Variants in JMJD1C observed in about 807,000 individuals in gnomAD.
JMJD1C encodes the protein jumonji domain containing 1C, also known as jumonji domain-containing protein 1C.
Under a neutral mutation model 245.3 loss-of-function variants are expected in JMJD1C, and 31 were observed. The ratio of observed to expected loss-of-function variants is 0.13; its 90% CI spans 0.09 to 0.17. The LOEUF (loss-of-function observed/expected upper bound fraction) is 0.17, where lower values mean the gene tolerates loss of function less well. Ranked by LOEUF, JMJD1C falls within the 10% of genes least tolerant of loss-of-function variation. JMJD1C has a pLI of 1.00. For missense variants in JMJD1C, 2,691 were observed against 3,000.2 expected (o/e 0.90, Z 2.41); for synonymous variants, 1,057 against 1,017.4 (o/e 1.04, Z -0.74).
intron 24 of JMJD1C, among the ~76,000 whole-genome samples, chr10:63,169,168 T>C (rs376769977): frequency 2.0e-5 from 3 of 152,178 alleles, no homozygotes; most frequent in African/African-American, 4.8e-5. Flanking sequence ...ACCCCTTCAA[T>C]CACCGGTGAC....
chr10:63,381,608 AG>A (rs1947225097), intron 1 of JMJD1C, among the ~76,000 whole-genome samples: 1 of 152,170 alleles, frequency 6.6e-6, no homozygotes, highest in African/African-American at 2.4e-5. Context: ...GGATGGGTGA[AG>A]GGGGGAGAAG....
chr10:63,474,107 TA>T (rs1251691644), intron 1 of JMJD1C, among the ~76,000 whole-genome samples: 7 of 109,468 alleles, frequency 6.4e-5, no homozygotes, highest in Non-Finnish European at 1.0e-4. Flanking sequence ...ATAATAATAA[TA>T]AATAAATAAA....
At chr10:63,219,753 T>A in intron 4 of JMJD1C, 125 bp downstream of exon 4, 1 of 559,752 alleles carries the variant, frequency 1.8e-6, no homozygotes, top group Non-Finnish European at 3.3e-6. Flanking sequence ...TTTTCCTGGA[T>A]GTATATAACT....
chr10:63,197,549 TC>T lies in JMJD1C; in HGVS notation c.5505del (p.Trp1835Ter). 6.5e-7 allele frequency: 1 copy of T among 1,546,998 alleles called. No individual in the cohort carries two copies. The highest frequency in any genetic ancestry group is 8.7e-7 in the Non-Finnish European group (1 of 1,151,080). On this transcript the variant is annotated frameshift_variant, in exon 13 of 26. Coordinates refer to ENST00000399262, the MANE Select transcript of JMJD1C (RefSeq NM_032776.3). LOFTEE classifies it high-confidence loss of function. ...TCCCGGACTCCTCTCACTGCTCTTT[TC>T]CAGGCAATTTTGGCTGAAATACAGA... ...SWVKKDAKIAWKRAVRGVREM... is the reference protein window; with the variant it reads ...SWVKKDAKIAXKRAVRGVREM...
At chr10:63,477,135 T>A (rs907487376) in intron 1 of JMJD1C, among the ~76,000 whole-genome samples, 1 of 152,104 alleles carries the variant, frequency 6.6e-6, no homozygotes, top group African/African-American at 2.4e-5. Flanking sequence ...AATATTCTAA[T>A]AAGACTCAAT....
chr10:63,193,258 T>G (rs966971706), intron 15 of JMJD1C, 87 bp downstream of exon 15: 4 of 1,478,724 alleles, frequency 2.7e-6, no homozygotes, highest in Non-Finnish European at 3.7e-6. Flanking sequence ...AATTCATACA[T>G]AAGTCCTAAA....
intron 2 of JMJD1C, among the ~76,000 whole-genome samples, chr10:63,331,112 A>C (rs1343566797): frequency 6.6e-6 from 1 of 152,206 alleles, no homozygotes; most frequent in Non-Finnish European, 1.5e-5. Flanking sequence ...TTCCAATGCT[A>C]GTATCTCCAA....
intron 2 of JMJD1C, among the ~76,000 whole-genome samples, chr10:63,364,725 G>C (rs1945698272): frequency 1.3e-5 from 2 of 152,262 alleles, no homozygotes; most frequent in South Asian, 4.1e-4. Flanking sequence ...GGACTCAAGT[G>C]ATTTGCCTGC....
intron 3 of JMJD1C, chr10:63,222,213 G>A: frequency 3.9e-6 from 3 of 764,940 alleles, no homozygotes; most frequent in Non-Finnish European, 4.9e-6. Context: ...ATGTTCAGAG[G>A]AATTTATAGG....
At chr10:63,388,324 T>A (rs1589646413) in intron 1 of JMJD1C, among the ~76,000 whole-genome samples, 1 of 148,514 alleles carries the variant, frequency 6.7e-6, no homozygotes. Context: ...GACAATGGGA[T>A]AATAGGTTCA....
At chr10:63,438,190 T>G (rs1951165772) in intron 1 of JMJD1C, among the ~76,000 whole-genome samples, 1 of 151,824 alleles carries the variant, frequency 6.6e-6, no homozygotes, top group Non-Finnish European at 1.5e-5. Flanking sequence ...TCACCACCAC[T>G]CTCCAAAATG....
intron 1 of JMJD1C, among the ~76,000 whole-genome samples, chr10:63,433,640 C>T (rs1384151439): frequency 1.4e-5 from 2 of 142,770 alleles, no homozygotes. Flanking sequence ...GGCTGGAGTG[C>T]AAGGGTGAGA....
intron 1 of JMJD1C, among the ~76,000 whole-genome samples, chr10:63,420,662 A>G (rs1293126364): frequency 1.4e-5 from 2 of 143,218 alleles, no homozygotes; most frequent in Non-Finnish European, 3.0e-5. Context: ...GAATCTGAGG[A>G]GGCAATGAGC....
At chr10:63,309,420 G>T (rs922351052) in intron 2 of JMJD1C, among the ~76,000 whole-genome samples, 2 of 149,278 alleles carry the variant, frequency 1.3e-5, no homozygotes, top group South Asian at 2.1e-4. Flanking sequence ...CTTGAACCGG[G>T]GGGGCAGAGG....
Position 63,172,660 on chromosome 10 carries a change from C to A in JMJD1C, c.7401+3637G>T, listed in dbSNP as rs139455513. On this transcript the variant is annotated intron_variant, in intron 24 of 25. Transcript: ENST00000399262. ...ATGGAGGAAAATAAAGCAGGAAAGA[C>A]GACAGAAAGTTGGGGGACACAATTT... Among the ~76,000 whole-genome samples, 214 of 151,164 alleles carry A rather than the reference C, an allele frequency of 1.4e-3. 1 individual carries two copies. Among genetic ancestry groups the A allele is most frequent in the Middle Eastern group, 6.8e-3 (2 of 292 alleles).
chr10:63,440,363 T>TAGAG (rs1423855951), intron 1 of JMJD1C, among the ~76,000 whole-genome samples: 40 of 134,582 alleles, frequency 3.0e-4, no homozygotes, highest in Non-Finnish European at 4.5e-4. Context: ...AATATATATA[T>TAGAG]ATAGAGAGAG....
At chr10:63,511,357 T>A (rs367886203) in intron 1 of JMJD1C, among the ~76,000 whole-genome samples, 81 of 152,310 alleles carry the variant, frequency 5.3e-4, no homozygotes, top group African/African-American at 1.9e-3. Flanking sequence ...TTAAACAACA[T>A]GGGTTTGAAC....
In JMJD1C at chr10:63,313,457, C is replaced by A. The variant is rs146284077; in HGVS notation, c.334-48693G>T. Among the ~76,000 whole-genome samples, 486 of 152,302 alleles carry A rather than the reference C, an allele frequency of 3.2e-3. 1 individual carries two copies. The highest frequency in any genetic ancestry group is 0.011 in the African/African-American group (471 of 41,560). On this transcript the variant is annotated intron_variant, in intron 2 of 25. Coordinates refer to ENST00000399262, the MANE Select transcript of JMJD1C (RefSeq NM_032776.3). The stretch of plus-strand genomic sequence containing the variant: ...TGACTACTTTTCCTCTGGGTAGACA[C>A]CCAGTAGTGAGACTGCTGGATCCCA...
chr10:63,373,350 C>T (rs1003233384), intron 2 of JMJD1C, among the ~76,000 whole-genome samples: 10 of 152,060 alleles, frequency 6.6e-5, no homozygotes, highest in Non-Finnish European at 1.3e-4. Flanking sequence ...GAGAAGGAGC[C>T]TGGGTATTAT....
Sources: gnomAD v4.1 joint callset for allele counts (sites outside exome capture counted in the v4.1 genomes callset) on GRCh38, gnomAD v4.1.1 for gene constraint, MANE v1.5 for transcripts, NCBI Gene and HGNC (gene_info 2026-07-23, HGNC 2026-07-21) for gene names.